PPFIA2: variants seen among roughly 807,000 people sequenced by gnomAD.
PPFIA2 encodes the protein liprin-alpha-2.
PPFIA2 carries 46 observed loss-of-function variants against 175.5 expected under a neutral mutation model. That is an observed-to-expected ratio of 0.26 (90% CI 0.21 to 0.34). PPFIA2 has a LOEUF of 0.34. Among genes scored for constraint, PPFIA2 ranks in the 10% least tolerant of loss-of-function variants. PPFIA2 has a pLI of 1.00. For missense variants in PPFIA2, 1,179 were observed against 1,506.1 expected (o/e 0.78, Z 3.60); for synonymous variants, 568 against 511.4 (o/e 1.11, Z -1.49).
chr12:81,341,137 G>T lies in PPFIA2; in HGVS notation c.2334C>A (p.Thr778=), dbSNP rs774395216. The change falls in exon 20 of 33, where the codon ACC becomes ACA. Residue 778 remains threonine, a synonymous_variant. Coordinates refer to ENST00000549396, the MANE Select transcript of PPFIA2 (RefSeq NM_003625.5). ...TGTGAGTCATTCTGAGGGCTCTAGG[G>T]GTAGGAGGAGGAGAAGTTTCACATT... ...TIKCETSPPP[T]PRALRMTHTL... 2.5e-6 allele frequency: 4 copies of T among 1,611,364 alleles called. No homozygotes were observed. Among genetic ancestry groups the T allele is most frequent in the Non-Finnish European group, 3.4e-6 (4 of 1,178,006 alleles).
At chr12:81,663,517 C>A (rs2069399544) in intron 4 of PPFIA2, among the ~76,000 whole-genome samples, 2 of 152,044 alleles carry the variant, frequency 1.3e-5, no homozygotes, top group Admixed American at 1.3e-4. Flanking sequence ...AACTACAAAC[C>A]ACTGCTCAAC....
At chr12:81,307,147 A>G (rs2049459491) in intron 22 of PPFIA2, among the ~76,000 whole-genome samples, 1 of 152,152 alleles carries the variant, frequency 6.6e-6, no homozygotes, top group South Asian at 2.1e-4. Context: ...TTTTGTGATC[A>G]GCCCAATCTA....
rs564335160 is a variant in PPFIA2, at chr12:81,382,896, T to C, written c.984+1127A>G. On this transcript the variant is annotated intron_variant, in intron 9 of 32. Transcript: ENST00000549396. Reference sequence around the variant, plus strand: ...AATTCACCAGGGAAATAAAGGTAGGTAGAGAAGGGAAGACACTCCAAGGTC... The same window carrying C: ...AATTCACCAGGGAAATAAAGGTAGGCAGAGAAGGGAAGACACTCCAAGGTC... Among the ~76,000 whole-genome samples the C allele has an allele frequency of 2.0e-5, 3 of 151,794 alleles. No homozygotes were observed. The South Asian group carries it at 6.3e-4, about 32-fold the overall frequency.
At chr12:81,493,552 AT>A (rs895755974) in intron 4 of PPFIA2, among the ~76,000 whole-genome samples, 1 of 151,880 alleles carries the variant, frequency 6.6e-6, no homozygotes, top group African/African-American at 2.4e-5. Flanking sequence ...GAAATCACTG[AT>A]GTTGTTAATA....
intron 23 of PPFIA2, among the ~76,000 whole-genome samples, 181 bp downstream of exon 23, chr12:81,299,120 C>T (rs1320553249): frequency 6.6e-6 from 1 of 152,126 alleles, no homozygotes; most frequent in East Asian, 1.9e-4. Flanking sequence ...TCTTCTACTA[C>T]GATCACAAAA....
At chr12:81,370,764 T>G (rs141133382) in intron 11 of PPFIA2, among the ~76,000 whole-genome samples, 1 of 152,052 alleles carries the variant, frequency 6.6e-6, no homozygotes, top group African/African-American at 2.4e-5. Flanking sequence ...GTTAGTATGT[T>G]ATGCAAGGAT....
intron 6 of PPFIA2, among the ~76,000 whole-genome samples, chr12:81,443,414 T>G (rs891351524): frequency 6.6e-6 from 1 of 152,138 alleles, no homozygotes; most frequent in Non-Finnish European, 1.5e-5. Flanking sequence ...CTATGGTGAG[T>G]TAATACATAT....
chr12:81,518,386 T>C (rs1035753942), intron 4 of PPFIA2, among the ~76,000 whole-genome samples: 1 of 152,148 alleles, frequency 6.6e-6, no homozygotes, highest in Non-Finnish European at 1.5e-5. Context: ...TTTCTCTATT[T>C]CCAATGCTTT....
chr12:81,692,987 T>C (rs1053268875), intron 3 of PPFIA2, among the ~76,000 whole-genome samples: 8 of 152,086 alleles, frequency 5.3e-5, no homozygotes, highest in African/African-American at 1.7e-4. Context: ...GCAACTAATT[T>C]TTAGTTGCTG....
At chr12:81,405,741 T>A in intron 8 of PPFIA2, 46 bp downstream of exon 8, 2 of 1,067,536 alleles carry the variant, frequency 1.9e-6, no homozygotes, top group Non-Finnish European at 2.7e-6. Context: ...TCAAATGATA[T>A]AAGAAGTAAA....
intron 4 of PPFIA2, among the ~76,000 whole-genome samples, chr12:81,467,468 T>C (rs1257545683): frequency 3.3e-5 from 5 of 152,160 alleles, no homozygotes; most frequent in Non-Finnish European, 5.9e-5. Flanking sequence ...GCGAGCGGAT[T>C]ACCTGAGCTC....
At chr12:81,561,208 G>C (rs1008483973) in intron 4 of PPFIA2, among the ~76,000 whole-genome samples, 1 of 152,116 alleles carries the variant, frequency 6.6e-6, no homozygotes, top group African/African-American at 2.4e-5. Flanking sequence ...AGATGGCAAA[G>C]AGCAAACTTC....
intron 7 of PPFIA2, among the ~76,000 whole-genome samples, chr12:81,436,454 T>G (rs1441569276): frequency 2.6e-5 from 4 of 151,952 alleles, no homozygotes; most frequent in Admixed American, 2.6e-4. Context: ...TCATGAAAAT[T>G]TGCTCTTTTT....
intron 5 of PPFIA2, among the ~76,000 whole-genome samples, chr12:81,446,510 A>C (rs547705523): frequency 6.6e-6 from 1 of 152,336 alleles, no homozygotes; most frequent in South Asian, 2.1e-4. Flanking sequence ...CTGCTAAAAA[A>C]CAAAGATACA....
chr12:81,501,890 C>T (rs1481432066), intron 4 of PPFIA2, among the ~76,000 whole-genome samples: 2 of 152,062 alleles, frequency 1.3e-5, no homozygotes, highest in African/African-American at 2.4e-5. Context: ...AAATTGAAAG[C>T]CAAGGATGCA....
At chr12:81,594,683 T>C (rs2059050992) in intron 4 of PPFIA2, among the ~76,000 whole-genome samples, 2 of 151,912 alleles carry the variant, frequency 1.3e-5, no homozygotes, top group South Asian at 4.2e-4. Context: ...GGGAGGCCAG[T>C]GTTGGAGGAT....
At chr12:81,487,667 T>G (rs2058979988) in intron 4 of PPFIA2, among the ~76,000 whole-genome samples, 1 of 151,760 alleles carries the variant, frequency 6.6e-6, no homozygotes, top group Non-Finnish European at 1.5e-5. Flanking sequence ...CTCACACCCA[T>G]GCTTTCAGAA....
chr12:81,500,401 C>A (rs921085465), intron 4 of PPFIA2, among the ~76,000 whole-genome samples: 2 of 152,182 alleles, frequency 1.3e-5, no homozygotes, highest in Non-Finnish European at 2.9e-5. Flanking sequence ...TGAATGAAAT[C>A]ATTTCCATGA....
chr12:81,676,824 T>C lies in PPFIA2; in HGVS notation c.270A>G (p.Gly90=). ...ALPQDIESLT[G]GLAGSKGADP... is the part of the protein sequence containing the mutation. Reference sequence around the variant, plus strand: ...CAGCCCCCTTAGAACCAGCCAGCCCTCCTGTTAGGGATTCGATATCCTGAA... The same window carrying C: ...CAGCCCCCTTAGAACCAGCCAGCCCCCCTGTTAGGGATTCGATATCCTGAA... The change falls in exon 4 of 33, where the codon GGA becomes GGG. Residue 90 remains glycine (G), a synonymous_variant. Transcript: ENST00000549396. The C allele has an allele frequency of 6.4e-7, 1 of 1,564,122 alleles. No homozygotes were observed. Among genetic ancestry groups the C allele is most frequent in the Non-Finnish European group, 8.7e-7 (1 of 1,156,014 alleles).
Sources: allele counts gnomAD v4.1 joint callset (sites outside exome capture counted in the v4.1 genomes callset), GRCh38; gene constraint gnomAD v4.1.1; transcripts MANE v1.5; gene names NCBI Gene and HGNC (gene_info 2026-07-23, HGNC 2026-07-21).